SLC61A1: variants seen among roughly 807,000 people sequenced by gnomAD.
SLC61A1 encodes solute carrier family 61 member 1, also known as major facilitator superfamily domain containing 5.
At chr12:53,254,236 A>C in the SLC61A1 span, 12 of 1,584,270 alleles carry the variant, frequency 7.6e-6, no homozygotes, top group Non-Finnish European at 1.0e-5. Context: ...AATTCCAGCT[A>C]TCCGGGATTG....
chr12:53,252,884 C>CTGG, the SLC61A1 span: 1 of 1,614,164 alleles, frequency 6.2e-7, no homozygotes, highest in Non-Finnish European at 8.5e-7. Context: ...GGCCTCCTGC[C>CTGG]TGGGGCTGGA....
chr12:53,253,311 G>A, the SLC61A1 span: 2 of 1,614,252 alleles, frequency 1.2e-6, no homozygotes, highest in Non-Finnish European at 8.5e-7. Flanking sequence ...CACGTGGAAC[G>A]GCATGACTTC....
At chr12:53,253,255 C>G in the SLC61A1 span, 1 of 1,614,250 alleles carries the variant, frequency 6.2e-7, no homozygotes, top group South Asian at 1.1e-5. Flanking sequence ...GTGGGCTGTC[C>G]ACAGCCCTGC....
At chr12:53,252,614 T>C in the SLC61A1 span, 1 of 1,239,212 alleles carries the variant, frequency 8.1e-7, no homozygotes, top group Non-Finnish European at 1.1e-6. Flanking sequence ...CCCTGTCTTC[T>C]TACCCCTCCC....
the SLC61A1 span, chr12:53,252,681 A>T: frequency 8.1e-7 from 1 of 1,239,720 alleles, no homozygotes; most frequent in East Asian, 2.5e-5. Flanking sequence ...CACCCACCCA[A>T]CTGGTCCCTC....
the SLC61A1 span, chr12:53,251,880 G>T: frequency 6.5e-7 from 1 of 1,537,302 alleles, no homozygotes; most frequent in Non-Finnish European, 8.7e-7. Context: ...AAAGAAAATT[G>T]GCACTTATTT....
At chr12:53,253,146 G>T in the SLC61A1 span, 2 of 1,614,210 alleles carry the variant, frequency 1.2e-6, no homozygotes, top group Non-Finnish European at 1.7e-6. Context: ...TGGCTGGGTC[G>T]CAAGAATTCT....
At chr12:53,254,241 G>A in the SLC61A1 span, 1 of 1,573,294 alleles carries the variant, frequency 6.4e-7, no homozygotes, top group Admixed American at 1.8e-5. Context: ...CAGCTATCCG[G>A]GATTGTACAG....
chr12:53,252,877 C>T, the SLC61A1 span: 7 of 1,614,036 alleles, frequency 4.3e-6, no homozygotes, highest in African/African-American at 4.0e-5. Context: ...GCCTCCTGGC[C>T]TCCTGCCTGG....
chr12:53,253,623 T>C, the SLC61A1 span: 4 of 1,613,916 alleles, frequency 2.5e-6, no homozygotes, highest in Non-Finnish European at 3.4e-6. Context: ...GAGAGTGTCA[T>C]CTTCATCTTT....
At chr12:53,251,611 A>G in the SLC61A1 span, 20 of 1,053,766 alleles carry the variant, frequency 1.9e-5, no homozygotes, top group Non-Finnish European at 2.4e-5. Flanking sequence ...GGCTTGCCCA[A>G]GGCCACACAG....
chr12:53,251,962 C>T, the SLC61A1 span: 6 of 1,535,780 alleles, frequency 3.9e-6, no homozygotes, highest in Admixed American at 3.9e-5. Flanking sequence ...GAGGCCAGGC[C>T]AGGAGAAGCA....
the SLC61A1 span, chr12:53,252,483 G>C: frequency 7.6e-7 from 1 of 1,311,958 alleles, no homozygotes; most frequent in South Asian, 1.9e-5. Context: ...GAGGACGGGA[G>C]GTAATAGAAG....
chr12:53,251,648 G>A, the SLC61A1 span: 2 of 1,368,486 alleles, frequency 1.5e-6, no homozygotes, highest in Admixed American at 2.5e-5. Flanking sequence ...GCAGGACTGC[G>A]CCTTAGTCTG....
chr12:53,252,087 C>CG, the SLC61A1 span: 2 of 1,460,516 alleles, frequency 1.4e-6, no homozygotes, highest in African/African-American at 2.8e-5. Context: ...TGGCGCCGCG[C>CG]CCCCGTCACG....
chr12:53,252,466 C>T, the SLC61A1 span: 2 of 1,296,228 alleles, frequency 1.5e-6, no homozygotes, highest in Non-Finnish European at 2.0e-6. Context: ...AAAAGAGGCT[C>T]CGCAGCGAGG....
chr12:53,252,848 G>T, the SLC61A1 span: 2 of 1,613,938 alleles, frequency 1.2e-6, no homozygotes, highest in East Asian at 4.5e-5. Flanking sequence ...GCTGGTGACT[G>T]CCTACCTTGC....
chr12:53,254,348 G>T, the SLC61A1 span: 1 of 830,004 alleles, frequency 1.2e-6, no homozygotes, highest in South Asian at 1.9e-5. Context: ...TGGAAAGAAG[G>T]TGCCAAAAGT....
chr12:53,251,891 C>G, the SLC61A1 span: 57 of 1,537,214 alleles, frequency 3.7e-5, no homozygotes, highest in South Asian at 6.5e-4. Flanking sequence ...GCACTTATTT[C>G]AGGGTGGCCC....
Sources: gnomAD v4.1 joint callset for allele counts on GRCh38, gnomAD v4.1.1 for gene constraint, MANE v1.5 for transcripts, NCBI Gene and HGNC (gene_info 2026-07-23, HGNC 2026-07-21) for gene names.